ZNF385B: variants seen among roughly 807,000 people sequenced by gnomAD.
ZNF385B encodes zinc finger protein 533.
Under a neutral mutation model 39.2 loss-of-function variants are expected in ZNF385B, and 23 were observed. That is an observed-to-expected ratio of 0.59 (90% CI 0.42 to 0.83). The LOEUF (loss-of-function observed/expected upper bound fraction) is 0.83. Ranked by LOEUF, ZNF385B falls within the 40% of genes least tolerant of loss-of-function variation. The probability of loss-of-function intolerance (pLI) is 0.00; values close to 1 mark genes in which losing one functional copy is unlikely to be tolerated. For synonymous variants in ZNF385B, 205 were observed against 222.6 expected, an observed-to-expected ratio of 0.92 and a Z score of 0.70; for missense variants, 552 against 598.9, an observed-to-expected ratio of 0.92 and a Z score of 0.82.
intron 6 of ZNF385B, among the ~76,000 whole-genome samples, chr2:179,448,001 T>G (rs1242277531): frequency 6.6e-6 from 1 of 150,764 alleles, no homozygotes; most frequent in Non-Finnish European, 1.5e-5. Context: ...TTGAGTTGGA[T>G]CCATTCAGGT....
At chr2:179,517,374 A>C (rs1177641035) in intron 5 of ZNF385B, among the ~76,000 whole-genome samples, 1 of 151,884 alleles carries the variant, frequency 6.6e-6, no homozygotes, top group African/African-American at 2.4e-5. Flanking sequence ...CAAATGAATT[A>C]ACACTGTATA....
chr2:179,507,163 T>C (rs1483786082), intron 5 of ZNF385B, among the ~76,000 whole-genome samples: 1 of 152,190 alleles, frequency 6.6e-6, no homozygotes, highest in Non-Finnish European at 1.5e-5. Context: ...TCCTAGAATA[T>C]GTTGCCAAAG....
At chr2:179,622,982 A>G (rs1458818017) in intron 3 of ZNF385B, among the ~76,000 whole-genome samples, 2 of 152,196 alleles carry the variant, frequency 1.3e-5, no homozygotes, top group Non-Finnish European at 2.9e-5. Context: ...ATTTAGATTC[A>G]TTTTCAATTA....
At chr2:179,585,773 T>C (rs1236867883) in intron 3 of ZNF385B, 2 of 152,188 alleles carry the variant, frequency 1.3e-5, no homozygotes, top group African/African-American at 4.8e-5. Flanking sequence ...TCACATCTTA[T>C]AGTTCTGTTC....
chr2:179,660,467 T>G (rs1694335847), intron 3 of ZNF385B, among the ~76,000 whole-genome samples: 1 of 152,232 alleles, frequency 6.6e-6, no homozygotes, highest in African/African-American at 2.4e-5. Flanking sequence ...AAATACTTGC[T>G]TTATTTTTAT....
intron 4 of ZNF385B, among the ~76,000 whole-genome samples, chr2:179,524,844 C>T (rs1343382845): frequency 6.6e-6 from 1 of 152,064 alleles, no homozygotes. Context: ...TTTTTTTCCC[C>T]TCTGACAGTG....
chr2:179,815,793 A>AG (rs1418231159), intron 1 of ZNF385B, among the ~76,000 whole-genome samples: 32 of 152,260 alleles, frequency 2.1e-4, no homozygotes, highest in African/African-American at 7.2e-4. Flanking sequence ...TCATTCTTGA[A>AG]AATTATAATG....
At chr2:179,781,754 T>C (rs185813421) in intron 1 of ZNF385B, among the ~76,000 whole-genome samples, 2 of 152,248 alleles carry the variant, frequency 1.3e-5, no homozygotes, top group East Asian at 1.9e-4. Context: ...GACACATTCA[T>C]CCTGCCAAGA....
intron 3 of ZNF385B, among the ~76,000 whole-genome samples, chr2:179,696,750 T>C (rs545982984): frequency 1.6e-3 from 244 of 152,262 alleles, no homozygotes; most frequent in African/African-American, 5.7e-3. Flanking sequence ...GCTATTTTCA[T>C]ATCAACATAC....
At chr2:179,513,269 A>G (rs1471085661) in intron 5 of ZNF385B, among the ~76,000 whole-genome samples, 2 of 152,212 alleles carry the variant, frequency 1.3e-5, no homozygotes, top group Non-Finnish European at 2.9e-5. Context: ...GAGCTTGGTT[A>G]TGCAGATTAT....
At chr2:179,519,912 G>A (rs2058362891) in intron 4 of ZNF385B, among the ~76,000 whole-genome samples, 1 of 152,142 alleles carries the variant, frequency 6.6e-6, no homozygotes, top group Admixed American at 6.5e-5. Context: ...ACATTAGAAA[G>A]GCAAGTGGAT....
chr2:179,759,909 G>A (rs74363756), intron 3 of ZNF385B, among the ~76,000 whole-genome samples: 7,397 of 152,076 alleles, frequency 0.049, 258 homozygotes, highest in Middle Eastern at 0.099. Flanking sequence ...TATGCTACTA[G>A]AAAACTGGGG....
chr2:179,769,917 T>A (rs1703918046), intron 2 of ZNF385B, 115 bp from the exon 3 acceptor site: 2 of 946,122 alleles, frequency 2.1e-6, no homozygotes, highest in Non-Finnish European at 3.1e-6. Flanking sequence ...AGCTACCCAG[T>A]GGTTACTACT....
intron 3 of ZNF385B, among the ~76,000 whole-genome samples, chr2:179,750,259 C>T (rs17773927): frequency 6.6e-6 from 1 of 152,142 alleles, no homozygotes; most frequent in Non-Finnish European, 1.5e-5. Flanking sequence ...CCAAAATTCT[C>T]TACTCTCATT....
At chr2:179,696,328 T>TTTTTTTTTTTTTTTTTTG in intron 3 of ZNF385B, among the ~76,000 whole-genome samples, 1 of 118,776 alleles carries the variant, frequency 8.4e-6, no homozygotes, top group Non-Finnish European at 1.8e-5. Context: ...AACTGGGACT[T>TTTTTTTTTTTTTTTTTTG]TTTTTTTTTT....
Position 179,443,320 on chromosome 2 carries a change from G to A in ZNF385B, c.1391C>T (p.Pro464Leu). Reference sequence around the variant, plus strand: ...CCCATGCCCAGGCCTCAGAAGAGCTGGAGGAATGGCTGGAGCCTGGAAGAG... The same window carrying A: ...CCCATGCCCAGGCCTCAGAAGAGCTAGAGGAATGGCTGGAGCCTGGAAGAG... ...ASLFQAPAIP[P>L]ALLRPGHGPI... The change falls in exon 10 of 10, where the codon CCA (proline) becomes CTA (leucine). Residue 464 changes from proline (P) to leucine (L), a missense_variant. Pro to Leu is a moderately conservative substitution (Grantham distance 98). Transcript: ENST00000410066. 6.2e-7 allele frequency: 1 copy of A among 1,612,972 alleles called. No individual in the cohort carries two copies. The highest frequency in any genetic ancestry group is 8.5e-7 in the Non-Finnish European group (1 of 1,179,932).
intron 3 of ZNF385B, among the ~76,000 whole-genome samples, chr2:179,579,607 T>C (rs559092845): frequency 6.6e-6 from 1 of 152,248 alleles, no homozygotes; most frequent in East Asian, 1.9e-4. Context: ...ATAAAATCCA[T>C]ATCATAAATT....
chr2:179,517,531 T>C (rs1046337834), intron 5 of ZNF385B, among the ~76,000 whole-genome samples: 3 of 149,960 alleles, frequency 2.0e-5, no homozygotes, highest in Non-Finnish European at 4.5e-5. Flanking sequence ...CTATGATTTT[T>C]TATTATGCTT....
intron 3 of ZNF385B, among the ~76,000 whole-genome samples, chr2:179,591,644 G>A (rs760631322): frequency 2.6e-5 from 4 of 152,140 alleles, no homozygotes; most frequent in Non-Finnish European, 5.9e-5. Flanking sequence ...AGGCTTCAGG[G>A]TAGAGAGTAA....
Sources: allele counts gnomAD v4.1 joint callset (sites outside exome capture counted in the v4.1 genomes callset), GRCh38; gene constraint gnomAD v4.1.1; transcripts MANE v1.5; gene names NCBI Gene and HGNC (gene_info 2026-07-23, HGNC 2026-07-21).